The following NALCN variants were observed in gnomAD, a reference collection of about 807,000 sequenced individuals.
The protein encoded by NALCN is sodium leak channel NALCN.
NALCN carries 111 observed loss-of-function variants against 225.3 expected under a neutral mutation model. That is an observed-to-expected ratio of 0.49 (90% CI 0.42 to 0.58). The LOEUF (loss-of-function observed/expected upper bound fraction) is 0.58, where lower values mean the gene tolerates loss of function less well. NALCN is among the 20% of genes least tolerant of loss of function. The probability of loss-of-function intolerance (pLI) is 0.00; values close to 1 mark genes in which losing one functional copy is unlikely to be tolerated. For missense variants in NALCN, 1,378 were observed against 2,202.4 expected, an observed-to-expected ratio of 0.63 and a Z score of 7.49; for synonymous variants, 764 against 769.0, an observed-to-expected ratio of 0.99 and a Z score of 0.11.
Position 101,102,675 on chromosome 13 carries a change from T to C in NALCN, c.3057+497A>G, listed in dbSNP as rs534811655. On this transcript the variant is annotated intron_variant, in intron 26 of 43. Transcript: ENST00000251127. The stretch of plus-strand genomic sequence containing the variant: ...CTCATTACTGTAATGCTGAAGTTAA[T>C]TGAAGTGGGTTATACCTATATGTTG... Among the ~76,000 whole-genome samples the C allele has an allele frequency of 1.3e-5, 2 of 152,324 alleles. 1 individual carries two copies. The highest frequency in any genetic ancestry group is 4.1e-4 in the South Asian group (2 of 4,834).
chr13:101,158,136 T>C (rs1253750029), intron 15 of NALCN, among the ~76,000 whole-genome samples: 1 of 152,156 alleles, frequency 6.6e-6, no homozygotes, highest in Non-Finnish European at 1.5e-5. Flanking sequence ...GAAGGTATTA[T>C]CTTAGGAAAC....
chr13:101,196,490 A>G (rs561839692), intron 13 of NALCN, among the ~76,000 whole-genome samples: 22 of 152,208 alleles, frequency 1.4e-4, no homozygotes, highest in African/African-American at 5.1e-4. Context: ...TTTTAACATT[A>G]TTATCTAGAT....
At chr13:101,166,288 C>G (rs992044505) in intron 15 of NALCN, among the ~76,000 whole-genome samples, 2 of 152,156 alleles carry the variant, frequency 1.3e-5, no homozygotes, top group African/African-American at 4.8e-5. Flanking sequence ...ATCATATGAT[C>G]ATGCTACTTT....
intron 7 of NALCN, among the ~76,000 whole-genome samples, chr13:101,321,375 T>C (rs1012507743): frequency 6.6e-6 from 1 of 152,130 alleles, no homozygotes; most frequent in Non-Finnish European, 1.5e-5. Flanking sequence ...TATAACCTCA[T>C]CAGTTACTAT....
chr13:101,185,382 G>A (rs920641094), intron 14 of NALCN, among the ~76,000 whole-genome samples: 11 of 152,144 alleles, frequency 7.2e-5, no homozygotes, highest in African/African-American at 2.2e-4. Flanking sequence ...CACAATGAAC[G>A]CTTAATTACA....
At chr13:101,122,625 G>A (rs989845179) in intron 18 of NALCN, among the ~76,000 whole-genome samples, 1 of 152,158 alleles carries the variant, frequency 6.6e-6, no homozygotes, top group African/African-American at 2.4e-5. Context: ...TAGCATTATT[G>A]TGTTTGTGCT....
At chr13:101,184,999 T>C (rs1447699978) in intron 14 of NALCN, among the ~76,000 whole-genome samples, 2 of 152,224 alleles carry the variant, frequency 1.3e-5, no homozygotes, top group Non-Finnish European at 2.9e-5. Flanking sequence ...TTTCTTATCT[T>C]TAAATTATTT....
At chr13:101,287,899 T>C (rs1414481364) in intron 9 of NALCN, among the ~76,000 whole-genome samples, 2 of 152,298 alleles carry the variant, frequency 1.3e-5, no homozygotes, top group East Asian at 1.9e-4. Flanking sequence ...AGAAAGAATC[T>C]TGGTAATGGA....
At position 101,359,054 on chromosome 13, in the gene NALCN, C is replaced by G. The variant is rs963909661; in HGVS notation, c.645-13634G>C. On this transcript the variant is annotated intron_variant, in intron 6 of 43. Transcript: ENST00000251127. ...GGGTGAGGGGCAGGGGGAGGGAGAG[C>G]ATTAGGACAAATAGCTAATGCATGC... Among the ~76,000 whole-genome samples, 3 of 152,066 alleles carry G rather than the reference C, an allele frequency of 2.0e-5. No individual in the cohort carries two copies. The East Asian group carries it at 5.8e-4, about 30-fold the overall frequency.
intron 7 of NALCN, among the ~76,000 whole-genome samples, chr13:101,306,703 T>G (rs1201416227): frequency 6.6e-6 from 1 of 152,230 alleles, no homozygotes; most frequent in Non-Finnish European, 1.5e-5. Context: ...GGGTCAGGCT[T>G]GGCTCATTTA....
Position 101,237,900 on chromosome 13 carries a change from T to C in NALCN, c.1289A>G (p.Asp430Gly). 6.2e-7 allele frequency: 1 copy of C among 1,605,308 alleles called. No individual in the cohort carries two copies. Among genetic ancestry groups the C allele is most frequent in the Non-Finnish European group, 8.5e-7 (1 of 1,176,660 alleles). ...LAEVAFTVLF[D>G]LEALLKIWCL... The stretch of plus-strand genomic sequence containing the variant: ...CCATATCTTCAGAAGTGCTTCCAAA[T>C]CAAAAAGTACTGTAAAAGCCACCTA... Residue 430 changes from aspartate to glycine, a missense_variant, in exon 12 of 44, where the codon GAT becomes GGT. By Grantham distance (94) the Asp-to-Gly change is moderately conservative (BLOSUM62 -1). Around this residue, in one of 19 missense-constraint regions of NALCN, gnomAD observed 144 missense variants for 187.7 expected, o/e 0.77. Transcript: ENST00000251127.
intron 1 of NALCN, among the ~76,000 whole-genome samples, chr13:101,415,085 T>C (rs549522857): frequency 8.6e-5 from 13 of 151,164 alleles, no homozygotes; most frequent in South Asian, 2.1e-4. Context: ...GGAAACCTTA[T>C]CTTTGAATTT....
intron 7 of NALCN, among the ~76,000 whole-genome samples, chr13:101,324,670 T>A (rs2044877593): frequency 6.6e-6 from 1 of 152,154 alleles, no homozygotes; most frequent in Admixed American, 6.5e-5. Context: ...TTAAGGAGAT[T>A]TTGGGCTGAG....
chr13:101,276,299 C>T (rs971970217), intron 10 of NALCN, among the ~76,000 whole-genome samples: 1 of 152,006 alleles, frequency 6.6e-6, no homozygotes, highest in Admixed American at 6.6e-5. Context: ...TAAACTCAGC[C>T]TTATTAAGCA....
At chr13:101,213,499 AGTGAACAGG>A (rs1242723588) in intron 13 of NALCN, among the ~76,000 whole-genome samples, 14 of 152,224 alleles carry the variant, frequency 9.2e-5, no homozygotes, top group African/African-American at 3.1e-4. Context: ...CTACCATCAG[AGTGAACAGG>A]CAACCTACAG....
intron 6 of NALCN, among the ~76,000 whole-genome samples, chr13:101,345,781 G>T (rs1449525256): frequency 8.6e-6 from 1 of 116,740 alleles, no homozygotes. Flanking sequence ...TTTAGAGAGG[G>T]AGAGAGAGAG....
intron 7 of NALCN, among the ~76,000 whole-genome samples, chr13:101,339,477 T>A (rs1022861905): frequency 6.6e-6 from 1 of 152,034 alleles, no homozygotes; most frequent in African/African-American, 2.4e-5. Context: ...GATGGAAAGG[T>A]GCATAAATGG....
intron 42 of NALCN, 67 bp downstream of exon 42, chr13:101,059,751 A>G: frequency 6.9e-7 from 1 of 1,443,510 alleles, no homozygotes; most frequent in Non-Finnish European, 9.5e-7. Flanking sequence ...CACCCATTTT[A>G]TTTATTTTTA....
At position 101,160,839 on chromosome 13, in the gene NALCN, T is replaced by C. The variant is rs540808938; in HGVS notation, c.1839+15461A>G. Among the ~76,000 whole-genome samples the C allele has an allele frequency of 4.6e-5, 7 of 152,302 alleles. No homozygotes were observed. The South Asian group carries it at 6.2e-4, about 14-fold the overall frequency. ...TGAAATTCCTGCCTAAAAGGAATCA[T>C]ATTGATTAGCTGGATCGACCAAATC... On this transcript the variant is annotated intron_variant, in intron 15 of 43. Transcript: ENST00000251127.
Sources: gnomAD v4.1 joint callset for allele counts (sites outside exome capture counted in the v4.1 genomes callset) on GRCh38, gnomAD v4.1.1 for gene constraint, gnomAD v4.1.1 regional missense constraint, MANE v1.5 for transcripts, NCBI Gene and HGNC (gene_info 2026-07-23, HGNC 2026-07-21) for gene names.